Variants in DMD observed in about 807,000 individuals in gnomAD.
DMD encodes the protein dystrophin.
In DMD, 63 loss-of-function variants were observed where a neutral mutation model predicts 330.1. The observed-to-expected ratio is 0.19, with a 90% CI of 0.16 to 0.24. The LOEUF is 0.24. DMD is among the 10% of genes least tolerant of loss of function. The probability of loss-of-function intolerance (pLI) is 1.00; values close to 1 mark genes in which losing one functional copy is unlikely to be tolerated. For synonymous variants in DMD, 1,223 were observed against 959.8 expected, an observed-to-expected ratio of 1.27 and a Z score of -5.07; for missense variants, 3,344 against 2,684.1, an observed-to-expected ratio of 1.25 and a Z score of -5.43.
chrX:33,045,380 C>T (rs2094366079), intron 1 of DMD, among the ~76,000 whole-genome samples: 1 of 106,667 alleles, frequency 9.4e-6, no homozygotes, highest in South Asian at 4.2e-4. Context: ...TAAGTTCCAT[C>T]CTTTGCAAGT....
intron 44 of DMD, among the ~76,000 whole-genome samples, chrX:32,014,583 C>G (rs1180849194): frequency 9.0e-6 from 1 of 111,624 alleles, no homozygotes; most frequent in Admixed American, 9.6e-5. Flanking sequence ...AGTTTTCTCA[C>G]CTGATAAGCA....
At position 31,929,653 on chromosome X, in the gene DMD, T is replaced by G. The variant is rs766079487; in HGVS notation, c.6855A>C (p.Pro2285=). The G allele has an allele frequency of 9.1e-6, 11 of 1,209,485 alleles. No individual in the cohort carries two copies. The highest frequency in any genetic ancestry group is 1.1e-5 in the Non-Finnish European group (10 of 895,090). The change falls in exon 47 of 79, where the codon CCA becomes CCC. Residue 2285 remains proline (P), a synonymous_variant. Coordinates refer to ENST00000357033, the MANE Select transcript of DMD (RefSeq NM_004006.3). ...GPVLVSAPIS[P]EEQDKLENKL... ...TATTTTCAAGTTTATCTTGCTCTTC[T>G]GGGCTTATGGGAGCACTTACAAGCA...
intron 44 of DMD, among the ~76,000 whole-genome samples, chrX:32,161,151 C>T (rs1000233163): frequency 9.0e-6 from 1 of 111,531 alleles, no homozygotes; most frequent in African/African-American, 3.3e-5. Context: ...CTGGGTTACT[C>T]GGGCTGCCTC....
intron 48 of DMD, among the ~76,000 whole-genome samples, chrX:31,867,640 G>A (rs919818891): frequency 9.0e-6 from 1 of 111,343 alleles, no homozygotes; most frequent in African/African-American, 3.3e-5. Flanking sequence ...TGCATAAAAA[G>A]CTTTGACAAG....
At chrX:32,044,570 T>C (rs182457321) in intron 44 of DMD, among the ~76,000 whole-genome samples, 1,633 of 110,357 alleles carry the variant, frequency 0.015, 30 homozygotes, top group African/African-American at 0.05. Context: ...TACAGGTGCC[T>C]GCCACCATGC....
At chrX:31,986,629 G>C (rs761317512) in intron 44 of DMD, among the ~76,000 whole-genome samples, 7 of 111,480 alleles carry the variant, frequency 6.3e-5, no homozygotes, top group African/African-American at 2.0e-4. Flanking sequence ...CCAGGATGGT[G>C]TCGATCTCTT....
intron 77 of DMD, among the ~76,000 whole-genome samples, chrX:31,131,296 T>A (rs950514617): frequency 8.9e-6 from 1 of 112,331 alleles, no homozygotes; most frequent in Non-Finnish European, 1.9e-5. Context: ...AACCAGCATT[T>A]TGTTTTTAAA....
chrX:31,635,829 G>A (rs904721481), intron 54 of DMD, among the ~76,000 whole-genome samples: 1 of 110,805 alleles, frequency 9.0e-6, no homozygotes, highest in African/African-American at 3.3e-5. Flanking sequence ...ACATACATGC[G>A]ACCAACAAGC....
chrX:32,800,643 G>T (rs763195133), intron 7 of DMD, among the ~76,000 whole-genome samples: 2 of 110,874 alleles, frequency 1.8e-5, no homozygotes, highest in Non-Finnish European at 3.8e-5. Flanking sequence ...ATGCCATGGT[G>T]GTTTGCTGTA....
chrX:31,134,530 C>T (rs752499739), intron 76 of DMD, among the ~76,000 whole-genome samples: 1 of 108,412 alleles, frequency 9.2e-6, no homozygotes, highest in Non-Finnish European at 1.9e-5. Context: ...TCAAACGATT[C>T]TTCTGCCTCA....
chrX:32,878,356 C>T (rs963570522), intron 2 of DMD, among the ~76,000 whole-genome samples: 1 of 111,277 alleles, frequency 9.0e-6, no homozygotes, highest in South Asian at 3.9e-4. Context: ...CCAGCCTGGG[C>T]GACAGAGTGA....
chrX:31,839,627 A>G (rs1326291702), intron 48 of DMD, among the ~76,000 whole-genome samples: 2 of 111,983 alleles, frequency 1.8e-5, no homozygotes, highest in Non-Finnish European at 3.8e-5. Flanking sequence ...TGACAAATTA[A>G]AATGGGATTA....
At chrX:32,216,266 T>C (rs1174006883) in intron 44 of DMD, among the ~76,000 whole-genome samples, 2 of 111,995 alleles carry the variant, frequency 1.8e-5, no homozygotes, top group Non-Finnish European at 3.8e-5. Flanking sequence ...CCAAATTATA[T>C]CCTGGACAAT....
At chrX:31,380,517 G>T (rs1397866505) in intron 60 of DMD, among the ~76,000 whole-genome samples, 2 of 111,024 alleles carry the variant, frequency 1.8e-5, no homozygotes, top group Non-Finnish European at 3.8e-5. Context: ...GCTTTAAAAG[G>T]ATTACAGTCT....
Position 33,139,868 on chromosome X carries a change from T to TAAAAAAAAAAAAAAAA in DMD, c.31+71398_31+71413dup, listed in dbSNP as rs3990971. On this transcript the variant is annotated intron_variant, in intron 1 of 78. Transcript: ENST00000357033. ...GAATTGACTAATACAGCCCCATCGC[T>TAAAAAAAAAAAAAAAA]AAAAAAAAAAAAAAAAAAAAAAAAA... Among the ~76,000 whole-genome samples, 31 of 64,348 alleles carry TAAAAAAAAAAAAAAAA rather than the reference T, an allele frequency of 4.8e-4. 1 individual carries two copies. The highest frequency in any genetic ancestry group is 2.2e-3 in the African/African-American group (27 of 12,512). 55.9% of individuals were successfully genotyped at this position (64,348 alleles called of 115,157 possible).
intron 60 of DMD, among the ~76,000 whole-genome samples, chrX:31,413,199 C>T (rs1370243258): frequency 8.9e-6 from 1 of 111,802 alleles, no homozygotes; most frequent in Admixed American, 9.6e-5. Context: ...CAATCTAATA[C>T]TGTATTGCCT....
chrX:32,771,555 C>T (rs977923390), intron 7 of DMD, among the ~76,000 whole-genome samples: 13 of 110,443 alleles, frequency 1.2e-4, no homozygotes, highest in African/African-American at 2.7e-4. Flanking sequence ...TGCCCCAATA[C>T]GGCTTTTTTC....
intron 61 of DMD, among the ~76,000 whole-genome samples, chrX:31,347,175 A>G (rs766410107): frequency 1.8e-5 from 2 of 110,562 alleles, no homozygotes; most frequent in East Asian, 5.6e-4. Context: ...CATAGAATGC[A>G]TAATGATCAA....
At chrX:32,318,379 G>A (rs143600170) in intron 41 of DMD, among the ~76,000 whole-genome samples, 1,490 of 111,477 alleles carry the variant, frequency 0.013, 74 homozygotes, top group Admixed American at 0.11. Context: ...GGTGAGACGG[G>A]TATGGTTTTA....
Sources: gnomAD v4.1 joint callset for allele counts (sites outside exome capture counted in the v4.1 genomes callset) on GRCh38, gnomAD v4.1.1 for gene constraint, MANE v1.5 for transcripts, NCBI Gene and HGNC (gene_info 2026-07-23, HGNC 2026-07-21) for gene names.